The following SHC4 variants were observed in gnomAD, a reference collection of about 807,000 sequenced individuals.
SHC4 encodes the protein SHC adaptor protein 4.
SHC4 carries 41 observed loss-of-function variants against 69.4 expected under a neutral mutation model. That is an observed-to-expected ratio of 0.59 (90% confidence interval 0.46 to 0.77). The LOEUF is 0.77. SHC4 is among the 30% of genes least tolerant of loss of function. The probability of loss-of-function intolerance (pLI) is 0.00; values close to 1 mark genes in which losing one functional copy is unlikely to be tolerated. For missense variants in SHC4, 777 were observed against 783.8 expected, an observed-to-expected ratio of 0.99 and a Z score of 0.10; for synonymous variants, 318 against 299.3, an observed-to-expected ratio of 1.06 and a Z score of -0.64.
intron 9 of SHC4, among the ~76,000 whole-genome samples, chr15:48,846,871 C>T (rs1239153047): frequency 1.3e-5 from 2 of 152,088 alleles, no homozygotes; most frequent in African/African-American, 2.4e-5. Context: ...CCTCACAAAG[C>T]GTTAGCCTGA....
intron 9 of SHC4, among the ~76,000 whole-genome samples, chr15:48,849,856 T>C (rs1032474714): frequency 2.0e-5 from 3 of 152,228 alleles, no homozygotes; most frequent in Non-Finnish European, 4.4e-5. Context: ...CTTTAAAGAA[T>C]GGCATGGAAT....
intron 2 of SHC4, among the ~76,000 whole-genome samples, chr15:48,913,595 C>T (rs1900552702): frequency 6.6e-6 from 1 of 152,002 alleles, no homozygotes; most frequent in South Asian, 2.1e-4. Flanking sequence ...GGATTTGTGC[C>T]CTCCCCCAAG....
chr15:48,856,816 T>A (rs983576577), intron 7 of SHC4, among the ~76,000 whole-genome samples: 1 of 150,408 alleles, frequency 6.6e-6, no homozygotes, highest in African/African-American at 2.4e-5. Flanking sequence ...TCTATTTGGA[T>A]TGAACTGATT....
chr15:48,848,593 A>G (rs972315117), intron 9 of SHC4, among the ~76,000 whole-genome samples: 1 of 152,194 alleles, frequency 6.6e-6, no homozygotes, highest in African/African-American at 2.4e-5. Flanking sequence ...CCAGGCTCCA[A>G]ACAAACTTTT....
intron 1 of SHC4, among the ~76,000 whole-genome samples, chr15:48,939,993 T>C (rs8028827): frequency 0.019 from 2,854 of 152,304 alleles, 83 homozygotes; most frequent in African/African-American, 0.066. Context: ...AGGCGGCAGC[T>C]CTGTGCAACC....
chr15:48,890,778 G>T lies in SHC4; in HGVS notation c.690C>A (p.Pro230=), dbSNP rs767392783. ...GCTTTTTAATGGCTCCATTTGCCCCGGGGACAGCTTCACACAGGCGACTTA... is the reference window on the plus strand; with the variant it reads ...GCTTTTTAATGGCTCCATTTGCCCCTGGGACAGCTTCACACAGGCGACTTA... ...EAISRLCEAV[P]GANGAIKKRK... is the part of the protein sequence containing the mutation. Residue 230 remains proline (P), a synonymous_variant, in exon 3 of 12, where the codon CCC becomes CCA. Coordinates refer to ENST00000332408, the MANE Select transcript of SHC4 (RefSeq NM_203349.4). 2 of 1,614,026 alleles carry T rather than the reference G, an allele frequency of 1.2e-6. No individual in the cohort carries two copies. The highest frequency in any genetic ancestry group is 1.7e-6 in the Non-Finnish European group (2 of 1,179,964).
intron 2 of SHC4, among the ~76,000 whole-genome samples, chr15:48,899,927 A>G (rs1201456380): frequency 6.6e-6 from 1 of 152,180 alleles, no homozygotes; most frequent in Non-Finnish European, 1.5e-5. Context: ...ATTCTGACAC[A>G]GAGTTCATGA....
At chr15:48,936,855 A>G (rs192825584) in intron 1 of SHC4, among the ~76,000 whole-genome samples, 91 of 152,350 alleles carry the variant, frequency 6.0e-4, no homozygotes, top group African/African-American at 2.1e-3. Flanking sequence ...GTACTGTCTC[A>G]TTCCAACAGT....
rs1278924802 is a variant in SHC4, at chr15:48,872,133, T to C, written c.850A>G (p.Asn284Asp). 11 of 1,582,128 alleles carry C rather than the reference T, an allele frequency of 7.0e-6. No individual in the cohort carries two copies. In the Admixed American group the frequency reaches 1.4e-4, roughly 20 times the overall value. Residue 284 changes from asparagine to aspartate, a missense_variant, in exon 5 of 12, where the codon AAT becomes GAT. Coordinates refer to ENST00000332408, the MANE Select transcript of SHC4 (RefSeq NM_203349.4). ...AATGAAATAGACTGCATATGATGAT[T>C]TGCAATAATCTGAAAAACATAAACA... ...MNLDNQQIIANHHMQSISFAS... is the reference protein window; with the variant it reads ...MNLDNQQIIADHHMQSISFAS...
At chr15:48,916,006 T>C (rs1240275334) in intron 2 of SHC4, among the ~76,000 whole-genome samples, 1 of 152,142 alleles carries the variant, frequency 6.6e-6, no homozygotes, top group Non-Finnish European at 1.5e-5. Flanking sequence ...ACATACCATA[T>C]GCTGTTCAAC....
At chr15:48,908,923 C>A (rs1210788010) in intron 2 of SHC4, among the ~76,000 whole-genome samples, 1 of 152,180 alleles carries the variant, frequency 6.6e-6, no homozygotes, top group Non-Finnish European at 1.5e-5. Flanking sequence ...ATTTTTATAC[C>A]AGTACCACAC....
At chr15:48,933,969 A>T (rs1312209603) in intron 1 of SHC4, among the ~76,000 whole-genome samples, 1 of 152,166 alleles carries the variant, frequency 6.6e-6, no homozygotes. Context: ...ATAAGAGCTA[A>T]AACTGTAAAA....
intron 5 of SHC4, among the ~76,000 whole-genome samples, chr15:48,871,448 C>A (rs1379842815): frequency 6.6e-6 from 1 of 152,198 alleles, no homozygotes; most frequent in Non-Finnish European, 1.5e-5. Context: ...TTCAAAGCCC[C>A]TCTCCTTTTG....
rs538279603 is a variant in SHC4, at chr15:48,851,051, C to G, written c.1303+137G>C. The G allele has an allele frequency of 5.2e-5, 38 of 726,820 alleles. 1 individual carries two copies. The highest frequency in any genetic ancestry group is 4.4e-4 in the South Asian group (21 of 47,484). The allele number at this position is 726,820 out of a possible 1,614,324, so 45.0% of individuals were successfully genotyped here. ...CAACATTCTGGGCCTATCTGAGAAG[C>G]CTACAGTCAAAGGATTATGTGTTTA... On this transcript the variant is annotated intron_variant, in intron 9 of 11. Coordinates refer to ENST00000332408, the MANE Select transcript of SHC4 (RefSeq NM_203349.4).
chr15:48,871,633 C>T (rs1899679991), intron 5 of SHC4, among the ~76,000 whole-genome samples: 1 of 152,196 alleles, frequency 6.6e-6, no homozygotes, highest in Non-Finnish European at 1.5e-5. Flanking sequence ...TGAGTTCCTG[C>T]AAACCTGGTT....
chr15:48,963,138 C>T lies in SHC4; in HGVS notation c.-123G>A. The T allele has an allele frequency of 9.4e-7, 1 of 1,067,716 alleles. No individual in the cohort carries two copies. The highest frequency in any genetic ancestry group is 2.7e-5 in the Admixed American group (1 of 37,396). The allele number at this position is 1,067,716 out of a possible 1,614,324, so 66.1% of individuals were successfully genotyped here. A position where few individuals can be genotyped will look rare whatever the true frequency, so the allele number is the denominator to read the frequency against. On this transcript the variant is annotated 5_prime_UTR_variant, in exon 1 of 12. Coordinates refer to ENST00000332408, the MANE Select transcript of SHC4 (RefSeq NM_203349.4). ...ACTCACAGCAGCCACCTCTCCAACT[C>T]TGCTCTCGAGCTCGCCCACCTCGGC...
intron 3 of SHC4, among the ~76,000 whole-genome samples, chr15:48,884,939 G>A (rs1419935350): frequency 1.3e-5 from 2 of 152,158 alleles, no homozygotes; most frequent in African/African-American, 2.4e-5. Flanking sequence ...ATTGTTTTCA[G>A]AAGGTCCCAA....
At chr15:48,873,940 G>T (rs531218245) in intron 4 of SHC4, among the ~76,000 whole-genome samples, 2 of 152,162 alleles carry the variant, frequency 1.3e-5, no homozygotes, top group Non-Finnish European at 1.5e-5. Flanking sequence ...TTACAAAGGT[G>T]TCAATCCTAC....
intron 2 of SHC4, among the ~76,000 whole-genome samples, chr15:48,906,382 T>C (rs577147301): frequency 6.6e-6 from 1 of 152,306 alleles, no homozygotes; most frequent in Admixed American, 6.5e-5. Context: ...AATCTATTTT[T>C]TACTGTATCT....
Sources: gnomAD v4.1 joint callset for allele counts (sites outside exome capture counted in the v4.1 genomes callset) on GRCh38, gnomAD v4.1.1 for gene constraint, MANE v1.5 for transcripts, NCBI Gene and HGNC (gene_info 2026-07-23, HGNC 2026-07-21) for gene names.